The following DENND1A variants were observed in gnomAD, a reference collection of about 807,000 sequenced individuals.
The protein encoded by DENND1A is DENN domain containing 1A.
A neutral mutation model predicts 113.7 loss-of-function variants in DENND1A; 51 were observed. That is an observed-to-expected ratio of 0.45 (90% CI 0.36 to 0.57). The LOEUF (loss-of-function observed/expected upper bound fraction) is 0.57, where lower values mean the gene tolerates loss of function less well. Among genes scored for constraint, DENND1A ranks in the 20% least tolerant of loss-of-function variants. DENND1A has a pLI of 0.00. For missense variants in DENND1A, 1,258 were observed against 1,395.9 expected, an observed-to-expected ratio of 0.90 and a Z score of 1.57; for synonymous variants, 565 against 570.8, an observed-to-expected ratio of 0.99 and a Z score of 0.14.
Position 123,615,509 on chromosome 9 carries a change from C to T in DENND1A, c.720-6028G>A, listed in dbSNP as rs1284253310. Among the ~76,000 whole-genome samples, 13 of 152,320 alleles carry T rather than the reference C, an allele frequency of 8.5e-5. No individual in the cohort carries two copies. The East Asian group carries it at 2.5e-3, about 29-fold the overall frequency. Reference sequence around the variant, plus strand: ...GAGCTTCTACATTCTGTCTGAGCTCCTCCTCCCCTGCTACCTTTTCCATCA... The same window carrying T: ...GAGCTTCTACATTCTGTCTGAGCTCTTCCTCCCCTGCTACCTTTTCCATCA... On this transcript the variant is annotated intron_variant, in intron 10 of 23. Coordinates refer to ENST00000394215, the MANE Select transcript of DENND1A (RefSeq NM_001352964.2).
At chr9:123,421,744 T>C (rs529240652) in intron 19 of DENND1A, among the ~76,000 whole-genome samples, 26 of 152,218 alleles carry the variant, frequency 1.7e-4, no homozygotes, top group African/African-American at 6.0e-4. Context: ...GAGGAGTGCA[T>C]AGCACCCTCT....
intron 2 of DENND1A, among the ~76,000 whole-genome samples, chr9:123,858,543 T>C (rs1458468610): frequency 2.6e-5 from 4 of 152,152 alleles, no homozygotes; most frequent in Non-Finnish European, 4.4e-5. Context: ...AGTTTAGGAT[T>C]AGGATCGGCG....
chr9:123,465,308 A>ATTTT (rs60428558), intron 13 of DENND1A, among the ~76,000 whole-genome samples: 1 of 80,084 alleles, frequency 1.2e-5, no homozygotes, highest in African/African-American at 4.7e-5. Flanking sequence ...TTTGTCTTTG[A>ATTTT]TTTTTTTTTT....
intron 5 of DENND1A, among the ~76,000 whole-genome samples, chr9:123,711,248 T>C (rs2066567202): frequency 6.6e-6 from 1 of 151,420 alleles, no homozygotes; most frequent in Non-Finnish European, 1.5e-5. Context: ...GTGGATCACC[T>C]GAGGTCAGGA....
rs921164721 is a variant in DENND1A, at chr9:123,387,875, CAAAAG to C, written c.1632-22_1632-18del. 4 of 1,288,820 alleles carry C rather than the reference CAAAAG, an allele frequency of 3.1e-6. No individual in the cohort carries two copies. The highest frequency in any genetic ancestry group is 1.5e-5 in the African/African-American group (1 of 65,828). 79.8% of individuals were successfully genotyped at this position (1,288,820 alleles called of 1,614,324 possible). A position where few individuals can be genotyped will look rare whatever the true frequency, so the allele number is the denominator to read the frequency against. On this transcript the variant is annotated intron_variant, in intron 21 of 23. Transcript: ENST00000394215. Reference sequence around the variant, plus strand: ...TTTACCAGGCTGGGGCAGAGGAAGACAAAAGAGAAGAGAACAGGCAGTTAGGGGCG... The same window carrying C: ...TTTACCAGGCTGGGGCAGAGGAAGACAGAAGAGAACAGGCAGTTAGGGGCG...
intron 2 of DENND1A, 37 bp from the exon 3 acceptor site, chr9:123,792,667 G>A: frequency 1.9e-6 from 3 of 1,605,710 alleles, no homozygotes; most frequent in Non-Finnish European, 2.6e-6. Context: ...ATTGGCTTTG[G>A]ATTAGTGAGC....
At chr9:123,580,361 G>A (rs1355070000) in intron 12 of DENND1A, among the ~76,000 whole-genome samples, 2 of 152,188 alleles carry the variant, frequency 1.3e-5, no homozygotes, top group East Asian at 3.9e-4. Flanking sequence ...TTCTGTGCCC[G>A]ACTCCTATTT....
chr9:123,823,855 C>T (rs766171476), intron 2 of DENND1A, among the ~76,000 whole-genome samples: 4 of 152,092 alleles, frequency 2.6e-5, no homozygotes, highest in Non-Finnish European at 4.4e-5. Context: ...GAAAAGAGAA[C>T]AATTCCCAGG....
At chr9:123,436,106 G>C (rs2046496522) in intron 19 of DENND1A, among the ~76,000 whole-genome samples, 1 of 152,222 alleles carries the variant, frequency 6.6e-6, no homozygotes, top group South Asian at 2.1e-4. Context: ...GTGGGAAGGA[G>C]GAGCTTCCAT....
intron 19 of DENND1A, among the ~76,000 whole-genome samples, chr9:123,421,810 T>C (rs888994588): frequency 4.6e-5 from 7 of 152,192 alleles, no homozygotes; most frequent in African/African-American, 1.7e-4. Flanking sequence ...CTCCAACTGC[T>C]TTCCCTGCCA....
At chr9:123,828,833 G>A (rs1289711346) in intron 2 of DENND1A, among the ~76,000 whole-genome samples, 1 of 152,122 alleles carries the variant, frequency 6.6e-6, no homozygotes, top group Non-Finnish European at 1.5e-5. Flanking sequence ...TGACAAGAAG[G>A]TTGCAGAACT....
chr9:123,507,975 C>T (rs2053116025), intron 13 of DENND1A, among the ~76,000 whole-genome samples: 2 of 152,084 alleles, frequency 1.3e-5, no homozygotes, highest in South Asian at 4.1e-4. Context: ...AAACAACTTG[C>T]TTTTTATCTT....
At chr9:123,544,191 G>GGT (rs1400310553) in intron 13 of DENND1A, among the ~76,000 whole-genome samples, 1 of 152,068 alleles carries the variant, frequency 6.6e-6, no homozygotes, top group African/African-American at 2.4e-5. Flanking sequence ...CTAGCCACTA[G>GGT]GTGTCAGCCC....
intron 3 of DENND1A, 150 bp from the exon 4 acceptor site, chr9:123,769,713 G>C (rs1829421285): frequency 1.8e-6 from 1 of 542,236 alleles, no homozygotes; most frequent in Non-Finnish European, 3.2e-6. Flanking sequence ...AGGAGTACCA[G>C]GCAGTCAATC....
intron 19 of DENND1A, among the ~76,000 whole-genome samples, chr9:123,429,588 T>C (rs952354636): frequency 6.6e-6 from 1 of 151,924 alleles, no homozygotes; most frequent in Admixed American, 6.6e-5. Flanking sequence ...CAAAAAGCAA[T>C]GGGGAAAGGA....
At chr9:123,607,099 A>G (rs1292491680) in intron 11 of DENND1A, among the ~76,000 whole-genome samples, 1 of 152,146 alleles carries the variant, frequency 6.6e-6, no homozygotes, top group East Asian at 1.9e-4. Flanking sequence ...CTCAAGTATT[A>G]TGTAGCCCAT....
chr9:123,620,711 A>G (rs2060914908), intron 10 of DENND1A, among the ~76,000 whole-genome samples: 1 of 152,138 alleles, frequency 6.6e-6, no homozygotes, highest in South Asian at 2.1e-4. Flanking sequence ...TTTCCTAATC[A>G]TCAGTCCCAC....
At chr9:123,800,702 C>T (rs1834500102) in intron 2 of DENND1A, among the ~76,000 whole-genome samples, 1 of 152,138 alleles carries the variant, frequency 6.6e-6, no homozygotes, top group African/African-American at 2.4e-5. Context: ...ATTTATAGTC[C>T]TCTGCCAAGT....
chr9:123,513,722 C>A (rs1476844516), intron 13 of DENND1A, among the ~76,000 whole-genome samples: 1 of 152,214 alleles, frequency 6.6e-6, no homozygotes, highest in Non-Finnish European at 1.5e-5. Context: ...TGACAGGAAG[C>A]AGCTAGCCAG....
Sources: gnomAD v4.1 joint callset for allele counts (sites outside exome capture counted in the v4.1 genomes callset) on GRCh38, gnomAD v4.1.1 for gene constraint, MANE v1.5 for transcripts, NCBI Gene and HGNC (gene_info 2026-07-23, HGNC 2026-07-21) for gene names.